CDH2: variants seen among roughly 807,000 people sequenced by gnomAD.
The protein encoded by CDH2 is cadherin 2, also known as cadherin-2.
A neutral mutation model predicts 92.0 loss-of-function variants in CDH2; 17 were observed. That is an observed-to-expected ratio of 0.18 (90% confidence interval 0.13 to 0.28). The LOEUF is 0.28. CDH2 is among the 10% of genes least tolerant of loss of function. The probability of loss-of-function intolerance (pLI) is 1.00; values close to 1 mark genes in which losing one functional copy is unlikely to be tolerated. For synonymous variants in CDH2, 419 were observed against 415.9 expected, an observed-to-expected ratio of 1.01 and a Z score of -0.09; for missense variants, 862 against 1,133.1, an observed-to-expected ratio of 0.76 and a Z score of 3.44.
intron 2 of CDH2, among the ~76,000 whole-genome samples, chr18:28,061,782 T>C (rs2144147182): frequency 6.6e-6 from 1 of 152,266 alleles, no homozygotes; most frequent in Non-Finnish European, 1.5e-5. Context: ...AGGAATGTCT[T>C]ACATGGCGGC....
At chr18:28,043,461 A>AATAT (rs1158754890) in intron 2 of CDH2, among the ~76,000 whole-genome samples, 2,544 of 71,350 alleles carry the variant, frequency 0.036, 50 homozygotes, top group Non-Finnish European at 0.049. Context: ...GATATAAATA[A>AATAT]ATATATATAT....
chr18:28,176,807 C>T (rs1208469267), intron 1 of CDH2, among the ~76,000 whole-genome samples, 156 bp downstream of exon 1: 2 of 150,532 alleles, frequency 1.3e-5, no homozygotes, highest in South Asian at 4.2e-4. Flanking sequence ...AGCCCGATGC[C>T]TGCGCAGCTA....
At chr18:27,938,586 T>G (rs1909071746) in intron 6 of CDH2, among the ~76,000 whole-genome samples, 1 of 152,192 alleles carries the variant, frequency 6.6e-6, no homozygotes, top group Admixed American at 6.5e-5. Context: ...AAAGCAAGTT[T>G]TAAAAGATGC....
chr18:27,971,719 C>T (rs1387847313), intron 14 of CDH2, among the ~76,000 whole-genome samples: 2 of 152,120 alleles, frequency 1.3e-5, no homozygotes, highest in African/African-American at 2.4e-5. Context: ...CTTTCAATAA[C>T]TAATATATAA....
At chr18:28,065,514 T>A (rs2014489462) in intron 2 of CDH2, among the ~76,000 whole-genome samples, 1 of 152,160 alleles carries the variant, frequency 6.6e-6, no homozygotes. Flanking sequence ...TTCCATCTCC[T>A]AATATGGAAG....
At chr18:27,998,008 G>A (rs17498113) in intron 7 of CDH2, among the ~76,000 whole-genome samples, 18,022 of 151,836 alleles carry the variant, frequency 0.12, 1,302 homozygotes, top group South Asian at 0.28. Context: ...GGGTTTCACC[G>A]TGTTAGCCAG....
chr18:27,990,113 T>A lies in CDH2; in HGVS notation c.1582A>T (p.Met528Leu), dbSNP rs754586246. The A allele has an allele frequency of 6.2e-7, 1 of 1,613,976 alleles. No homozygotes were observed. The highest frequency in any genetic ancestry group is 1.1e-5 in the South Asian group (1 of 91,088). Residue 528 changes from methionine (M) to leucine (L), a missense_variant, in exon 10 of 16, where the codon ATG becomes TTG. Met to Leu is a conservative substitution (Grantham distance 15). Around this residue, in one of 5 missense-constraint regions of CDH2, gnomAD observed 564 missense variants for 722.2 expected, o/e 0.78. Coordinates refer to ENST00000269141, the MANE Select transcript of CDH2 (RefSeq NM_001792.5). Reference protein sequence around the residue: ...TFTAQDPDRYMQQNIRYTKLS... With the variant: ...TFTAQDPDRYLQQNIRYTKLS... ...ATTTCATACCTAATATTTTGCTGCA[T>A]ATATCGATCTGGGTCCTGAGCAGTG...
chr18:28,070,745 T>C (rs2014601460), intron 2 of CDH2, among the ~76,000 whole-genome samples: 1 of 152,134 alleles, frequency 6.6e-6, no homozygotes, highest in South Asian at 2.1e-4. Flanking sequence ...AGTAGTTAAA[T>C]GTCACAAGAT....
intron 2 of CDH2, 106 bp downstream of exon 2, chr18:28,147,567 A>T: frequency 4.8e-6 from 3 of 622,932 alleles, no homozygotes; most frequent in Non-Finnish European, 8.1e-6. Context: ...TGATTGTGAA[A>T]AATTCATACT....
chr18:28,131,342 C>A (rs939249873), intron 2 of CDH2, among the ~76,000 whole-genome samples: 2 of 151,984 alleles, frequency 1.3e-5, no homozygotes, highest in Non-Finnish European at 2.9e-5. Flanking sequence ...AATTGTTATA[C>A]CCCAACTTTG....
intron 5 of CDH2, among the ~76,000 whole-genome samples, 175 bp downstream of exon 5, chr18:28,009,542 G>A (rs2013035308): frequency 6.6e-6 from 1 of 151,948 alleles, no homozygotes; most frequent in African/African-American, 2.4e-5. Context: ...TTCTATGAGG[G>A]CATTTATCAA....
At chr18:28,108,452 T>C (rs2015358253) in intron 2 of CDH2, among the ~76,000 whole-genome samples, 1 of 152,100 alleles carries the variant, frequency 6.6e-6, no homozygotes, top group Non-Finnish European at 1.5e-5. Context: ...ATAGATGAAA[T>C]GCAATCACAT....
intron 14 of CDH2, among the ~76,000 whole-genome samples, chr18:27,969,748 G>A (rs1219020350): frequency 1.3e-5 from 2 of 152,182 alleles, no homozygotes; most frequent in Non-Finnish European, 2.9e-5. Flanking sequence ...CGGGTGCGGC[G>A]GCTCACGCCT....
chr18:27,988,302 A>G (rs1009062877), intron 11 of CDH2, among the ~76,000 whole-genome samples: 5 of 152,210 alleles, frequency 3.3e-5, no homozygotes, highest in Non-Finnish European at 5.9e-5. Flanking sequence ...TAACAAAGGT[A>G]TGTCTACATG....
chr18:28,043,495 A>AT lies in CDH2; in HGVS notation c.173-29587_173-29586insA, dbSNP rs1567976503. ...ATATATATATATATATATATATATA[A>AT]ATATATATATATATATATATAAACA... On this transcript the variant is annotated intron_variant, in intron 2 of 15. Coordinates refer to ENST00000269141, the MANE Select transcript of CDH2 (RefSeq NM_001792.5). Among the ~76,000 whole-genome samples the AT allele has an allele frequency of 9.8e-3, 847 of 86,814 alleles. 8 individuals are homozygous for AT. The highest frequency in any genetic ancestry group is 0.014 in the Non-Finnish European group (626 of 43,546). The allele number at this position is 86,814 out of a possible 152,430, so 57.0% of individuals were successfully genotyped here. A position where few individuals can be genotyped will look rare whatever the true frequency, so the allele number is the denominator to read the frequency against.
rs370107729 is a variant in CDH2 at position 28,026,355 on chromosome 18, A to G, written c.173-12446T>C. On this transcript the variant is annotated intron_variant, in intron 2 of 15. Transcript: ENST00000269141. Reference sequence around the variant, plus strand: ...TTTCCTTCTAGTCTATCAATAATGTAAAGGCTATTTGGATCAAAACATGAT... The same window carrying G: ...TTTCCTTCTAGTCTATCAATAATGTGAAGGCTATTTGGATCAAAACATGAT... Among the ~76,000 whole-genome samples the G allele has an allele frequency of 2.0e-5, 3 of 152,284 alleles. No individual in the cohort carries two copies. In the East Asian group the frequency reaches 5.8e-4, roughly 29 times the overall value.
At chr18:28,004,832 C>G (rs1181008022) in intron 6 of CDH2, among the ~76,000 whole-genome samples, 1 of 152,128 alleles carries the variant, frequency 6.6e-6, no homozygotes, top group African/African-American at 2.4e-5. Context: ...CTCCCTCCAG[C>G]TGCCCCCACC....
intron 2 of CDH2, among the ~76,000 whole-genome samples, chr18:28,057,346 T>A (rs1373051017): frequency 1.3e-5 from 2 of 152,196 alleles, no homozygotes; most frequent in Non-Finnish European, 2.9e-5. Context: ...TGAAATTTCA[T>A]GCTAAAAGTA....
chr18:28,160,749 G>A (rs868151105), intron 1 of CDH2, among the ~76,000 whole-genome samples: 2 of 152,178 alleles, frequency 1.3e-5, no homozygotes, highest in African/African-American at 2.4e-5. Context: ...CAAGGGAGAC[G>A]AAGGGAAAGT....
Sources: gnomAD v4.1 joint callset for allele counts (sites outside exome capture counted in the v4.1 genomes callset) on GRCh38, gnomAD v4.1.1 for gene constraint, gnomAD v4.1.1 regional missense constraint, MANE v1.5 for transcripts, NCBI Gene and HGNC (gene_info 2026-07-23, HGNC 2026-07-21) for gene names.